The following ZPBP variants were observed in gnomAD, a reference collection of about 807,000 sequenced individuals.
The protein encoded by ZPBP is zona pellucida-binding protein 1.
A neutral mutation model predicts 44.8 loss-of-function variants in ZPBP; 26 were observed. The observed-to-expected ratio is 0.58, with a 90% CI of 0.43 to 0.81. The LOEUF (loss-of-function observed/expected upper bound fraction) is 0.81, where lower values mean the gene tolerates loss of function less well. Among genes scored for constraint, ZPBP ranks in the 30% least tolerant of loss-of-function variants. The pLI is 0.00. For missense variants in ZPBP, 409 were observed against 434.0 expected, an observed-to-expected ratio of 0.94 and a Z score of 0.51; for synonymous variants, 174 against 153.2, an observed-to-expected ratio of 1.14 and a Z score of -1.00.
chr7:49,919,713 T>C (rs920302573), intron 1 of ZPBP: 3 of 152,280 alleles, frequency 2.0e-5, no homozygotes, highest in African/African-American at 7.2e-5. Context: ...ATAACAGCAA[T>C]GGTGAAGGTT....
intron 2 of ZPBP, among the ~76,000 whole-genome samples, chr7:49,880,138 T>C (rs983903121): frequency 6.6e-6 from 1 of 152,202 alleles, no homozygotes; most frequent in Non-Finnish European, 1.5e-5. Flanking sequence ...TTAAAAACTT[T>C]TTCTGCTTTT....
chr7:50,034,776 T>C (rs1799753964), intron 4 of ZPBP, among the ~76,000 whole-genome samples: 1 of 152,218 alleles, frequency 6.6e-6, no homozygotes, highest in Non-Finnish European at 1.5e-5. Flanking sequence ...CCTTTCTACT[T>C]GTTTCAATCT....
rs368787471 is a variant in ZPBP at position 50,070,260 on chromosome 7, G to A, written c.334+11514C>T. On this transcript the variant is annotated intron_variant, in intron 3 of 7. Coordinates refer to ENST00000046087, the MANE Select transcript of ZPBP (RefSeq NM_007009.3). ...TCCAAATTGGCAGGCCACTTCTGCC[G>A]CCCCCAGCCACTCTGGGTTGGATTA... Among the ~76,000 whole-genome samples the A allele has an allele frequency of 1.2e-4, 18 of 152,246 alleles. No individual in the cohort carries two copies. In the East Asian group the frequency reaches 1.4e-3, roughly 11 times the overall value.
intron 4 of ZPBP, 132 bp downstream of exon 4, chr7:50,057,857 G>T: frequency 1.3e-6 from 1 of 794,252 alleles, no homozygotes; most frequent in African/African-American, 1.7e-5. Flanking sequence ...ACTTACATAG[G>T]GAGGCAGTAA....
chr7:49,852,726 G>A (rs1274387247), intron 2 of ZPBP, among the ~76,000 whole-genome samples: 1 of 152,100 alleles, frequency 6.6e-6, no homozygotes, highest in Admixed American at 6.5e-5. Flanking sequence ...CAAAATCTGC[G>A]GGATTTAAGT....
At chr7:49,902,254 C>A (rs767556241) in intron 1 of ZPBP, among the ~76,000 whole-genome samples, 7 of 151,810 alleles carry the variant, frequency 4.6e-5, no homozygotes, top group Non-Finnish European at 8.8e-5. Flanking sequence ...AGGCAAACCA[C>A]AGACTGGAAG....
intron 2 of ZPBP, among the ~76,000 whole-genome samples, chr7:49,889,139 T>C (rs1792026067): frequency 1.3e-5 from 2 of 152,192 alleles, no homozygotes; most frequent in African/African-American, 2.4e-5. Context: ...CAAATGATTA[T>C]TCCCTCATTT....
At chr7:49,893,231 A>C (rs1289128760) in intron 2 of ZPBP, among the ~76,000 whole-genome samples, 1 of 152,164 alleles carries the variant, frequency 6.6e-6, no homozygotes, top group Non-Finnish European at 1.5e-5. Flanking sequence ...CAGGGTAATC[A>C]AGGAGTTATG....
chr7:49,874,882 T>C (rs1029983739), intron 2 of ZPBP, among the ~76,000 whole-genome samples: 2 of 152,164 alleles, frequency 1.3e-5, no homozygotes, highest in Non-Finnish European at 2.9e-5. Flanking sequence ...AACCTGCCTG[T>C]TGGTTCTTCC....
intron 1 of ZPBP, among the ~76,000 whole-genome samples, chr7:49,925,452 G>T (rs1180872121): frequency 6.6e-6 from 1 of 152,170 alleles, no homozygotes; most frequent in Non-Finnish European, 1.5e-5. Context: ...GAAAGCAGGT[G>T]TCCATGCTAT....
At chr7:49,997,912 T>A (rs1177373846) in intron 6 of ZPBP, among the ~76,000 whole-genome samples, 1 of 151,896 alleles carries the variant, frequency 6.6e-6, no homozygotes, top group Non-Finnish European at 1.5e-5. Flanking sequence ...CTTTATTTAT[T>A]TATTTATTTA....
intron 2 of ZPBP, among the ~76,000 whole-genome samples, chr7:49,854,862 A>G (rs958782571): frequency 1.3e-5 from 2 of 152,226 alleles, no homozygotes; most frequent in Non-Finnish European, 2.9e-5. Flanking sequence ...GATGGCTGTT[A>G]TCAACCATAT....
chr7:49,897,931 GA>G (rs1366952152), intron 2 of ZPBP, among the ~76,000 whole-genome samples: 4 of 152,244 alleles, frequency 2.6e-5, no homozygotes, highest in South Asian at 2.1e-4. Context: ...AGGGGGAGGG[GA>G]AAAATAGCCA....
intron 3 of ZPBP, among the ~76,000 whole-genome samples, chr7:50,069,852 T>G (rs925015122): frequency 6.6e-6 from 1 of 152,020 alleles, no homozygotes; most frequent in Non-Finnish European, 1.5e-5. Context: ...ACGAAGCTGG[T>G]CCTATCAGCC....
chr7:49,936,255 TAAACCGTATA>T (rs1329896236), downstream of ZPBP: 1 of 152,158 alleles, frequency 6.6e-6, no homozygotes, highest in East Asian at 1.9e-4. Flanking sequence ...AAAACATCTC[TAAACCGTATA>T]AAAACAATTA....
chr7:50,002,068 C>T (rs1798124159), intron 6 of ZPBP, among the ~76,000 whole-genome samples: 1 of 152,054 alleles, frequency 6.6e-6, no homozygotes, highest in Non-Finnish European at 1.5e-5. Context: ...AGTCTGTTCT[C>T]ACACTGCTAA....
chr7:49,989,706 C>T (rs1387304139), intron 6 of ZPBP, among the ~76,000 whole-genome samples: 1 of 152,108 alleles, frequency 6.6e-6, no homozygotes, highest in African/African-American at 2.4e-5. Flanking sequence ...GTGAACCAAC[C>T]AGTAATCTCT....
At chr7:50,041,025 G>A (rs931516082) in intron 4 of ZPBP, among the ~76,000 whole-genome samples, 1 of 152,204 alleles carries the variant, frequency 6.6e-6, no homozygotes, top group Non-Finnish European at 1.5e-5. Flanking sequence ...CCCTCACAGT[G>A]TAAATAAAGC....
intron 1 of ZPBP, chr7:49,920,363 A>G (rs1203427679): frequency 6.6e-6 from 1 of 152,206 alleles, no homozygotes; most frequent in African/African-American, 2.4e-5. Flanking sequence ...TCATCTTTCT[A>G]TACATGCATG....
Sources: allele counts gnomAD v4.1 joint callset (sites outside exome capture counted in the v4.1 genomes callset), GRCh38; gene constraint gnomAD v4.1.1; transcripts MANE v1.5; gene names NCBI Gene and HGNC (gene_info 2026-07-23, HGNC 2026-07-21).